AFF3: variants seen among roughly 807,000 people sequenced by gnomAD.
AFF3 encodes the protein AF4/FMR2 family member 3.
A neutral mutation model predicts 129.7 loss-of-function variants in AFF3; 32 were observed. The ratio of observed to expected loss-of-function variants is 0.25; its 90% CI spans 0.19 to 0.33. AFF3 has a LOEUF of 0.33. AFF3 is among the 10% of genes least tolerant of loss of function. The pLI, the probability that AFF3 is intolerant of heterozygous loss-of-function variation, is 1.00. For synonymous variants in AFF3, 644 were observed against 635.4 expected (o/e 1.01, Z -0.20); for missense variants, 1,373 against 1,592.0 (o/e 0.86, Z 2.34).
intron 1 of AFF3, among the ~76,000 whole-genome samples, chr2:100,138,499 C>G (rs1317959848): frequency 6.6e-6 from 1 of 152,174 alleles, no homozygotes; most frequent in African/African-American, 2.4e-5. Flanking sequence ...TTCAGCATAG[C>G]CTGATTCAGT....
rs530786834 is a variant in AFF3 at position 99,907,174 on chromosome 2, G to A, written c.874-69650C>T. Among the ~76,000 whole-genome samples the A allele has an allele frequency of 3.9e-5, 6 of 152,104 alleles. No homozygotes were observed. In the East Asian group the frequency reaches 5.8e-4, roughly 15 times the overall value. ...AAGCTGGGCCTCTTTTTATCCTAAC[G>A]GAGGTGGAAAGTTACAACCCTTCCT... On this transcript the variant is annotated intron_variant, in intron 7 of 24. Coordinates refer to ENST00000672756, the MANE Select transcript of AFF3 (RefSeq NM_001386135.1).
intron 2 of AFF3, among the ~76,000 whole-genome samples, chr2:100,118,646 A>G (rs1200770868): frequency 1.3e-5 from 2 of 151,684 alleles, no homozygotes; most frequent in East Asian, 1.9e-4. Flanking sequence ...TGGTCGTTGT[A>G]TTTCAGGAAG....
chr2:100,034,795 A>C (rs1311154245), intron 4 of AFF3, among the ~76,000 whole-genome samples: 1 of 152,224 alleles, frequency 6.6e-6, no homozygotes, highest in Non-Finnish European at 1.5e-5. Context: ...TGATCACCTA[A>C]GTTCCCCCGG....
chr2:99,596,604 C>T (rs1679313676), intron 14 of AFF3, among the ~76,000 whole-genome samples: 1 of 147,986 alleles, frequency 6.8e-6, no homozygotes, highest in South Asian at 2.2e-4. Flanking sequence ...ACCCCTCACA[C>T]TGGCCCCGCC....
intron 7 of AFF3, among the ~76,000 whole-genome samples, chr2:99,854,921 T>C (rs1221686529): frequency 2.6e-5 from 4 of 152,180 alleles, no homozygotes; most frequent in Non-Finnish European, 5.9e-5. Context: ...TTAAAAATGG[T>C]TCTAGAACAA....
chr2:100,032,880 T>G (rs1481591756), intron 4 of AFF3, among the ~76,000 whole-genome samples: 2 of 152,228 alleles, frequency 1.3e-5, no homozygotes, highest in African/African-American at 4.8e-5. Flanking sequence ...AAAAATTATT[T>G]ATTATAAGTA....
intron 12 of AFF3, among the ~76,000 whole-genome samples, chr2:99,668,911 CCTT>C (rs1452684895): frequency 2.0e-5 from 3 of 152,054 alleles, no homozygotes; most frequent in Non-Finnish European, 4.4e-5. Context: ...GGCAGGGGAC[CCTT>C]CTTAATTCAT....
intron 18 of AFF3, among the ~76,000 whole-genome samples, chr2:99,573,888 C>G (rs990547509): frequency 6.6e-6 from 1 of 152,190 alleles, no homozygotes; most frequent in Non-Finnish European, 1.5e-5. Flanking sequence ...CGGCAGGCAG[C>G]CCTGGCACCT....
At chr2:99,785,841 G>A (rs1481135974) in intron 8 of AFF3, among the ~76,000 whole-genome samples, 3 of 152,076 alleles carry the variant, frequency 2.0e-5, no homozygotes, top group Non-Finnish European at 4.4e-5. Context: ...TCAGCCTCCC[G>A]GGTTCAAGCG....
intron 8 of AFF3, among the ~76,000 whole-genome samples, chr2:99,753,644 A>G: frequency 6.6e-6 from 1 of 152,162 alleles, no homozygotes; most frequent in East Asian, 1.9e-4. Flanking sequence ...GATAGTGCAG[A>G]ACCCACACAG....
intron 7 of AFF3, among the ~76,000 whole-genome samples, chr2:99,992,539 G>C (rs1383558388): frequency 3.3e-5 from 5 of 152,188 alleles, no homozygotes; most frequent in Non-Finnish European, 5.9e-5. Context: ...TATCGAACCA[G>C]AATAAGATAA....
intron 7 of AFF3, among the ~76,000 whole-genome samples, chr2:99,844,987 A>G (rs1372747348): frequency 2.6e-5 from 4 of 152,192 alleles, no homozygotes; most frequent in Non-Finnish European, 4.4e-5. Flanking sequence ...TTACAAAATG[A>G]AAGTCCTAAA....
chr2:99,677,398 G>A (rs1056298152), intron 11 of AFF3, among the ~76,000 whole-genome samples: 3 of 152,094 alleles, frequency 2.0e-5, no homozygotes, highest in African/African-American at 7.2e-5. Flanking sequence ...CTTTACAGTA[G>A]AGTCTGAACC....
At chr2:99,764,965 C>T (rs991825677) in intron 8 of AFF3, among the ~76,000 whole-genome samples, 4 of 152,070 alleles carry the variant, frequency 2.6e-5, no homozygotes, top group African/African-American at 9.7e-5. Flanking sequence ...GAGAATTTCC[C>T]AAATTCTGAA....
At chr2:99,893,254 A>C (rs971418049) in intron 7 of AFF3, among the ~76,000 whole-genome samples, 1 of 152,254 alleles carries the variant, frequency 6.6e-6, no homozygotes, top group Non-Finnish European at 1.5e-5. Flanking sequence ...CCACAACAGG[A>C]ATATATCTGA....
chr2:100,049,349 C>A (rs778725696), intron 4 of AFF3, among the ~76,000 whole-genome samples: 9 of 152,086 alleles, frequency 5.9e-5, no homozygotes, highest in Admixed American at 2.0e-4. Context: ...CAAGACCTAG[C>A]CTGGACTTTT....
chr2:99,604,482 G>T (rs1036841401), intron 13 of AFF3, among the ~76,000 whole-genome samples: 12 of 152,270 alleles, frequency 7.9e-5, no homozygotes, highest in African/African-American at 2.9e-4. Flanking sequence ...GAGGGTGGAG[G>T]ATGGGAGGAG....
rs1038390947 is a variant in AFF3, at chr2:99,683,569, C to A, written c.1092-10980G>T. On this transcript the variant is annotated intron_variant, in intron 11 of 24. Transcript: ENST00000672756. ...GGCTCAAGTGATCCTCCTGCCTCAG[C>A]CCCCCAAGTAGCTGGAACTATAGGT... Among the ~76,000 whole-genome samples the A allele has an allele frequency of 2.0e-5, 3 of 152,184 alleles. No homozygotes were observed. The South Asian group carries it at 6.2e-4, about 32-fold the overall frequency.
chr2:99,996,574 G>GTTTTTTTT (rs1680857411), intron 7 of AFF3, among the ~76,000 whole-genome samples: 1 of 144,274 alleles, frequency 6.9e-6, no homozygotes, highest in African/African-American at 2.6e-5. Flanking sequence ...TAGAGACGGG[G>GTTTTTTTT]TTTTGCCATG....
Sources: allele counts gnomAD v4.1 joint callset (sites outside exome capture counted in the v4.1 genomes callset), GRCh38; gene constraint gnomAD v4.1.1; transcripts MANE v1.5; gene names NCBI Gene and HGNC (gene_info 2026-07-23, HGNC 2026-07-21).